The following P4HA3 variants were observed in gnomAD, a reference collection of about 807,000 sequenced individuals.
The protein encoded by P4HA3 is prolyl 4-hydroxylase subunit alpha-3.
In P4HA3, 60 loss-of-function variants were observed where a neutral mutation model predicts 66.7. That is an observed-to-expected ratio of 0.90 (90% CI 0.73 to 1.12). The LOEUF (loss-of-function observed/expected upper bound fraction) is 1.12, where lower values mean the gene tolerates loss of function less well. Ranked by LOEUF, P4HA3 falls within the 50% of genes most tolerant of loss-of-function variation. The probability of loss-of-function intolerance (pLI) is 0.00; values close to 1 mark genes in which losing one functional copy is unlikely to be tolerated. For missense variants in P4HA3, 683 were observed against 685.8 expected (o/e 1.00, Z 0.05); for synonymous variants, 263 against 274.6 (o/e 0.96, Z 0.42).
In P4HA3 at chr11:74,269,624, C is replaced by T. The variant is rs371421782; in HGVS notation, c.1467+28G>A. 4.7e-5 allele frequency: 76 copies of T among 1,605,904 alleles called. 1 individual carries two copies. Among genetic ancestry groups the T allele is most frequent in the South Asian group, 6.6e-5 (6 of 90,254 alleles). On this transcript the variant is annotated intron_variant, in intron 11 of 12. Coordinates refer to ENST00000331597, the MANE Select transcript of P4HA3 (RefSeq NM_182904.5). The stretch of plus-strand genomic sequence containing the variant: ...GGTAAGCGCTGCACTCCCTCAACCC[C>T]GTCTTCTGGGACCAGGGCCCCACTC...
In P4HA3 at chr11:74,268,155, T is replaced by C. The variant is rs756339867; in HGVS notation, c.1554A>G (p.Gly518=). The change falls in exon 12 of 13, where the codon GGA becomes GGG. Residue 518 remains glycine (G), a synonymous_variant. Coordinates refer to ENST00000331597, the MANE Select transcript of P4HA3 (RefSeq NM_182904.5). ...AAAGGCAAGACTTACCCCACTTATC[T>C]CCCACCAGGACAGGACAGCCAGCAT... ...TLHAGCPVLV[G]DKWVANKWIH... is the part of the protein sequence containing the mutation. 1.2e-6 allele frequency: 2 copies of C among 1,613,596 alleles called. No individual in the cohort carries two copies. Among genetic ancestry groups the C allele is most frequent in the Non-Finnish European group, 8.5e-7 (1 of 1,179,712 alleles).
intron 7 of P4HA3, among the ~76,000 whole-genome samples, chr11:74,280,137 G>A (rs1387775963): frequency 1.3e-5 from 2 of 152,054 alleles, no homozygotes; most frequent in African/African-American, 2.4e-5. Flanking sequence ...GAATGTCTAG[G>A]TATAGCATTT....
intron 1 of P4HA3, among the ~76,000 whole-genome samples, chr11:74,305,051 G>A (rs1180836693): frequency 6.6e-6 from 1 of 152,082 alleles, no homozygotes; most frequent in Non-Finnish European, 1.5e-5. Flanking sequence ...AGGAGGTGGA[G>A]CTCAAAGAGT....
intron 5 of P4HA3, chr11:74,287,124 A>G (rs927528443): frequency 2.8e-5 from 34 of 1,210,896 alleles, no homozygotes; most frequent in Non-Finnish European, 3.5e-5. Context: ...ACCTGTTTGT[A>G]CCCACTTTGG....
At chr11:74,286,200 CCCT>C (rs1565413153) in intron 6 of P4HA3, 25 bp downstream of exon 6, 1 of 1,606,762 alleles carries the variant, frequency 6.2e-7, no homozygotes, top group Non-Finnish European at 8.5e-7. Context: ...AGGCCTCTCC[CCCT>C]TTCTCTTTCC....
downstream of P4HA3, among the ~76,000 whole-genome samples, chr11:74,264,561 G>A (rs937372414): frequency 6.6e-6 from 1 of 152,078 alleles, no homozygotes; most frequent in Non-Finnish European, 1.5e-5. Flanking sequence ...CTAGGGGCAG[G>A]GTCAGCATCT....
intron 4 of P4HA3, among the ~76,000 whole-genome samples, chr11:74,289,658 A>G (rs1860939061): frequency 7.7e-6 from 1 of 130,144 alleles, no homozygotes. Flanking sequence ...ATGTGTTCTC[A>G]TTGTTCAATT....
intron 1 of P4HA3, among the ~76,000 whole-genome samples, chr11:74,306,136 C>T (rs1861574182): frequency 1.3e-5 from 2 of 152,182 alleles, no homozygotes; most frequent in South Asian, 4.2e-4. Flanking sequence ...GGAGAATGGA[C>T]TGGGTTCAAG....
chr11:74,309,532 C>A (rs1035228077), intron 1 of P4HA3, among the ~76,000 whole-genome samples: 17 of 152,152 alleles, frequency 1.1e-4, no homozygotes, highest in African/African-American at 3.9e-4. Flanking sequence ...GGTATGAGAA[C>A]AAGCATGGGT....
At chr11:74,255,016 A>G (rs1420735784) in intron 15 of P4HA3, among the ~76,000 whole-genome samples, 2 of 152,144 alleles carry the variant, frequency 1.3e-5, no homozygotes, top group Non-Finnish European at 1.5e-5. Flanking sequence ...GTGAAACTTC[A>G]TCTACAACCC....
At chr11:74,308,997 G>T (rs545826434) in intron 1 of P4HA3, among the ~76,000 whole-genome samples, 1 of 152,290 alleles carries the variant, frequency 6.6e-6, no homozygotes, top group Admixed American at 6.5e-5. Context: ...TTAAACTCCT[G>T]AATTCACTGT....
At chr11:74,309,955 T>A (rs986902998) in intron 1 of P4HA3, among the ~76,000 whole-genome samples, 1 of 152,158 alleles carries the variant, frequency 6.6e-6, no homozygotes, top group Non-Finnish European at 1.5e-5. Flanking sequence ...GACAATGGGT[T>A]TGGGGGTCAC....
rs749961973 is a variant in P4HA3 at position 74,279,429 on chromosome 11, T to C, written c.1134A>G (p.Ser378=). Residue 378 remains serine (S), a synonymous_variant, in exon 8 of 13, where the codon TCA becomes TCG. Transcript: ENST00000331597. Reference sequence around the variant, plus strand: ...ACTCCACTTGTAACTGCTTCTCCCCTGATGCCACCACTGACCTCTGTAGCT... The same window carrying C: ...ACTCCACTTGTAACTGCTTCTCCCCCGATGCCACCACTGACCTCTGTAGCT... ...EPWLQRSVVA[S]GEKQLQVEYR... 6.2e-7 allele frequency: 1 copy of C among 1,613,940 alleles called. No homozygotes were observed. Among genetic ancestry groups the C allele is most frequent in the East Asian group, 2.2e-5 (1 of 44,868 alleles).
chr11:74,286,457 C>A (rs570382681), intron 5 of P4HA3, 66 bp from the exon 6 acceptor site: 2 of 1,422,130 alleles, frequency 1.4e-6, no homozygotes, highest in East Asian at 2.5e-5. Flanking sequence ...GGGAGTGCCA[C>A]CAAGGTTTCC....
At chr11:74,275,649 G>A (rs1162905801) in intron 9 of P4HA3, among the ~76,000 whole-genome samples, 2 of 152,122 alleles carry the variant, frequency 1.3e-5, no homozygotes, top group East Asian at 3.8e-4. Flanking sequence ...TGTTTTGGCT[G>A]CTCTAGGTTT....
chr11:74,295,057 G>T (rs975494623), intron 4 of P4HA3, among the ~76,000 whole-genome samples: 7 of 152,124 alleles, frequency 4.6e-5, no homozygotes, highest in Non-Finnish European at 7.3e-5. Flanking sequence ...CGGCCATCTT[G>T]GCTCCTCCCC....
At chr11:74,274,304 GT>G (rs558751754) in intron 9 of P4HA3, among the ~76,000 whole-genome samples, 5,148 of 134,794 alleles carry the variant, frequency 0.038, 67 homozygotes, top group Middle Eastern at 0.11. Context: ...TTTTTTTTTT[GT>G]TTTTTTTTTT....
intron 9 of P4HA3, among the ~76,000 whole-genome samples, chr11:74,274,454 T>C (rs1860324696): frequency 6.6e-6 from 1 of 151,534 alleles, no homozygotes; most frequent in African/African-American, 2.4e-5. Flanking sequence ...TACAGGCGCC[T>C]GCCACCATGC....
At chr11:74,255,931 G>A (rs1264637875) in intron 15 of P4HA3, 1 of 516,634 alleles carries the variant, frequency 1.9e-6, no homozygotes, top group Admixed American at 1.9e-5. Flanking sequence ...ACACTTTGCG[G>A]GTGCCTTTGC....
Sources: allele counts gnomAD v4.1 joint callset (sites outside exome capture counted in the v4.1 genomes callset), GRCh38; gene constraint gnomAD v4.1.1; transcripts MANE v1.5; gene names NCBI Gene and HGNC (gene_info 2026-07-23, HGNC 2026-07-21).